CAMK1D: variants seen among roughly 807,000 people sequenced by gnomAD.
CAMK1D encodes calcium/calmodulin dependent protein kinase ID.
A neutral mutation model predicts 47.7 loss-of-function variants in CAMK1D; 9 were observed. The observed-to-expected ratio is 0.19, with a 90% CI of 0.11 to 0.33. The LOEUF (loss-of-function observed/expected upper bound fraction) is 0.33. Ranked by LOEUF, CAMK1D falls within the 10% of genes least tolerant of loss-of-function variation. CAMK1D has a pLI of 1.00. For synonymous variants in CAMK1D, 184 were observed against 184.9 expected (o/e 0.99, Z 0.04); for missense variants, 291 against 488.7 (o/e 0.60, Z 3.81).
chr10:12,391,383 A>G (rs892135815), intron 1 of CAMK1D, among the ~76,000 whole-genome samples: 3 of 152,172 alleles, frequency 2.0e-5, no homozygotes, highest in Non-Finnish European at 2.9e-5. Flanking sequence ...CAAGCAATCA[A>G]TCTTAGAAGC....
At chr10:12,560,732 AAG>A (rs1227631778) in intron 2 of CAMK1D, among the ~76,000 whole-genome samples, 63 of 152,078 alleles carry the variant, frequency 4.1e-4, no homozygotes, top group South Asian at 2.7e-3. Context: ...AAGGGTCTAA[AAG>A]AGAGAGAGCT....
At chr10:12,552,176 T>C (rs2768339) in intron 1 of CAMK1D, among the ~76,000 whole-genome samples, 132,294 of 152,236 alleles carry the variant, frequency 0.87, 57,589 homozygotes, top group African/African-American at 0.91. Flanking sequence ...TCCCAGATCA[T>C]AAGGGGCCCC....
intron 1 of CAMK1D, among the ~76,000 whole-genome samples, chr10:12,409,100 G>T (rs545644033): frequency 6.6e-6 from 1 of 151,988 alleles, no homozygotes; most frequent in African/African-American, 2.4e-5. Flanking sequence ...CAAATGATCT[G>T]CCTGCCTCAA....
intron 1 of CAMK1D, among the ~76,000 whole-genome samples, chr10:12,361,248 G>GTTTT (rs55700646): frequency 2.5e-5 from 3 of 120,078 alleles, no homozygotes; most frequent in South Asian, 2.8e-4. Flanking sequence ...CTATTTGACT[G>GTTTT]TTTTTTTTTT....
At position 12,820,578 on chromosome 10, in the gene CAMK1D, C is replaced by T. The variant is rs188728504; in HGVS notation, c.834-3887C>T. On this transcript the variant is annotated intron_variant, in intron 8 of 10. Transcript: ENST00000619168. Reference sequence around the variant, plus strand: ...GTGGTCTCCGCACATCCCTGACACCCCGAGAGCATCATCTCTTATTCCACA... The same window carrying T: ...GTGGTCTCCGCACATCCCTGACACCTCGAGAGCATCATCTCTTATTCCACA... Among the ~76,000 whole-genome samples, 495 of 152,322 alleles carry T rather than the reference C, an allele frequency of 3.2e-3. 3 individuals carry two copies. Among genetic ancestry groups the T allele is most frequent in the Non-Finnish European group, 3.3e-3 (226 of 68,032 alleles).
Position 12,810,555 on chromosome 10 carries a change from G to A in CAMK1D, c.642-3640G>A, listed in dbSNP as rs529970541. On this transcript the variant is annotated intron_variant, in intron 6 of 10. Coordinates refer to ENST00000619168, the MANE Select transcript of CAMK1D (RefSeq NM_153498.4). ...CTCCCAAAGTGTTGGGATTACAGGC[G>A]TGAGCCACCACACCCGGCCCAGGTA... Among the ~76,000 whole-genome samples the A allele has an allele frequency of 1.2e-4, 18 of 152,272 alleles. 2 individuals are homozygous for A. Among genetic ancestry groups the A allele is most frequent in the African/African-American group, 3.9e-4 (16 of 41,558 alleles).
intron 1 of CAMK1D, among the ~76,000 whole-genome samples, chr10:12,506,525 T>TC: frequency 6.6e-6 from 1 of 152,250 alleles, no homozygotes; most frequent in South Asian, 2.1e-4. Context: ...TCTCTTTCTT[T>TC]TTTTTTTGAG....
intron 3 of CAMK1D, among the ~76,000 whole-genome samples, chr10:12,709,626 G>A (rs940899124): frequency 1.3e-5 from 2 of 152,114 alleles, no homozygotes; most frequent in Non-Finnish European, 2.9e-5. Context: ...GGAGAGGAGG[G>A]CCTGTGTGTT....
intron 2 of CAMK1D, among the ~76,000 whole-genome samples, chr10:12,595,581 G>C (rs78456801): frequency 1.3e-5 from 2 of 151,832 alleles, no homozygotes; most frequent in African/African-American, 2.4e-5. Context: ...TTGCATTTGC[G>C]TTTTGTAAGT....
At chr10:12,588,889 C>CATGT (rs1554793286) in intron 2 of CAMK1D, among the ~76,000 whole-genome samples, 90 of 147,352 alleles carry the variant, frequency 6.1e-4, no homozygotes, top group African/African-American at 2.2e-3. Context: ...TGTGTGCGTG[C>CATGT]GTGTGTGTGT....
intron 3 of CAMK1D, among the ~76,000 whole-genome samples, chr10:12,696,641 T>C (rs1833309587): frequency 6.6e-6 from 1 of 152,346 alleles, no homozygotes; most frequent in Non-Finnish European, 1.5e-5. Flanking sequence ...CAACAGTAAT[T>C]GTATTAATAG....
At chr10:12,671,911 CT>C (rs773722384) in intron 3 of CAMK1D, among the ~76,000 whole-genome samples, 1,218 of 98,926 alleles carry the variant, frequency 0.012, 9 homozygotes, top group South Asian at 0.022. Context: ...TCACCTAATT[CT>C]TTTTTTTTTT....
chr10:12,688,317 G>C (rs1439986509), intron 3 of CAMK1D, among the ~76,000 whole-genome samples: 1 of 152,160 alleles, frequency 6.6e-6, no homozygotes, highest in Non-Finnish European at 1.5e-5. Context: ...CTGAATCTTA[G>C]TGTCGTAGCA....
chr10:12,744,920 C>T (rs7894736), intron 3 of CAMK1D, among the ~76,000 whole-genome samples: 1 of 152,096 alleles, frequency 6.6e-6, no homozygotes, highest in Non-Finnish European at 1.5e-5. Flanking sequence ...CAAAACAAGT[C>T]AGATTCTTGC....
At chr10:12,814,333 G>C in intron 7 of CAMK1D, 26 bp downstream of exon 7, 2 of 1,480,962 alleles carry the variant, frequency 1.4e-6, no homozygotes, top group Non-Finnish European at 1.9e-6. Context: ...GCAGCTCCCA[G>C]TGGGCGGCCC....
At chr10:12,497,764 C>T (rs1834585593) in intron 1 of CAMK1D, among the ~76,000 whole-genome samples, 1 of 152,092 alleles carries the variant, frequency 6.6e-6, no homozygotes, top group Non-Finnish European at 1.5e-5. Flanking sequence ...TTGGAAAGTC[C>T]AGAGGCTGAG....
intron 1 of CAMK1D, among the ~76,000 whole-genome samples, chr10:12,475,881 G>A (rs914776942): frequency 5.9e-5 from 9 of 152,226 alleles, no homozygotes; most frequent in African/African-American, 1.9e-4. Flanking sequence ...GAGTGATGGC[G>A]GTGCTAGAAG....
chr10:12,588,287 G>T (rs1241984830), intron 2 of CAMK1D, among the ~76,000 whole-genome samples: 1 of 152,142 alleles, frequency 6.6e-6, no homozygotes, highest in Middle Eastern at 3.2e-3. Flanking sequence ...TGACGAGCTT[G>T]TTAAGAATAA....
intron 1 of CAMK1D, among the ~76,000 whole-genome samples, chr10:12,479,016 T>A (rs75796462): frequency 0.03 from 4,529 of 152,266 alleles, 219 homozygotes; most frequent in African/African-American, 0.1. Context: ...ACTCTTTTTT[T>A]ATGAATGGGG....
Sources: gnomAD v4.1 joint callset for allele counts (sites outside exome capture counted in the v4.1 genomes callset) on GRCh38, gnomAD v4.1.1 for gene constraint, MANE v1.5 for transcripts, NCBI Gene and HGNC (gene_info 2026-07-23, HGNC 2026-07-21) for gene names.